NUDT1: variants seen among roughly 807,000 people sequenced by gnomAD.
The protein encoded by NUDT1 is oxidized purine nucleoside triphosphate hydrolase.
A neutral mutation model predicts 11.3 loss-of-function variants in NUDT1; 16 were observed. The observed-to-expected ratio is 1.41, with a 90% CI of 0.96 to 2.15. NUDT1 has a LOEUF of 2.15. NUDT1 is among the 30% of genes most tolerant of loss of function. The probability of loss-of-function intolerance (pLI) is 0.00; values close to 1 mark genes in which losing one functional copy is unlikely to be tolerated. For missense variants in NUDT1, 234 were observed against 208.4 expected (o/e 1.12, Z -0.76); for synonymous variants, 101 against 84.4 (o/e 1.20, Z -1.08).
Position 2,244,662 on chromosome 7 carries a change from G to C in NUDT1, c.88G>C (p.Gly30Arg), listed in dbSNP as rs199969160. The C allele has an allele frequency of 6.2e-7, 1 of 1,613,708 alleles. No homozygotes were observed. The highest frequency in any genetic ancestry group is 8.5e-7 in the Non-Finnish European group (1 of 1,179,922). ...CATGAAAAAGCGAGGCTTCGGGGCC[G>C]GCCGGTGGAATGGCTTTGGGGGCAA... ...LGMKKRGFGA[G>R]RWNGFGGKVQ... The change falls in exon 2 of 4, where the codon GGC becomes CGC. Residue 30 changes from glycine (G) to arginine (R), a missense_variant. Gly to Arg is a moderately radical substitution (Grantham distance 125). Transcript: ENST00000356714.
chr7:2,248,072 G>C (rs1447803779), intron 2 of NUDT1: 3 of 152,284 alleles, frequency 2.0e-5, no homozygotes, highest in Non-Finnish European at 1.5e-5. Context: ...AGACCATTTA[G>C]ACCAGGCATG....
intron 1 of NUDT1, chr7:2,242,457 A>T: frequency 4.2e-5 from 20 of 481,812 alleles, no homozygotes; most frequent in East Asian, 7.3e-5. Flanking sequence ...GAGAGAGACA[A>T]GGAGAGCGGG....
intron 2 of NUDT1, among the ~76,000 whole-genome samples, chr7:2,248,396 G>A (rs963964850): frequency 2.6e-5 from 4 of 152,144 alleles, no homozygotes; most frequent in African/African-American, 4.8e-5. Context: ...TGCCCAACAC[G>A]GGTTTCCACC....
At chr7:2,246,086 G>A (rs145265190) in intron 2 of NUDT1, among the ~76,000 whole-genome samples, 14 of 152,316 alleles carry the variant, frequency 9.2e-5, no homozygotes, top group Middle Eastern at 3.4e-3. Flanking sequence ...CCAGGAGTGT[G>A]TGCAGAGCGA....
chr7:2,244,536 G>T, intron 1 of NUDT1, 27 bp from the exon 2 acceptor site: 1 of 1,516,524 alleles, frequency 6.6e-7, no homozygotes, highest in South Asian at 1.3e-5. Flanking sequence ...CGTCATGGCT[G>T]ACTCTGCCCT....
intron 3 of NUDT1, among the ~76,000 whole-genome samples, chr7:2,250,391 G>T (rs1027455708): frequency 6.6e-6 from 1 of 152,158 alleles, no homozygotes; most frequent in African/African-American, 2.4e-5. Context: ...GTTGAGCCCA[G>T]GAGTTCAAGA....
At chr7:2,243,536 G>C (rs1025714058) in intron 1 of NUDT1, among the ~76,000 whole-genome samples, 1 of 152,208 alleles carries the variant, frequency 6.6e-6, no homozygotes, top group Non-Finnish European at 1.5e-5. Flanking sequence ...ACTTTGGGAG[G>C]CTGAGGTGGG....
intron 1 of NUDT1, chr7:2,242,638 G>C: frequency 5.8e-6 from 2 of 347,646 alleles, no homozygotes; most frequent in African/African-American, 2.1e-5. Context: ...CCCAGTCTCA[G>C]TGAAATGGGA....
chr7:2,245,969 G>A (rs750592004), intron 2 of NUDT1, among the ~76,000 whole-genome samples: 7 of 152,088 alleles, frequency 4.6e-5, no homozygotes, highest in African/African-American at 9.7e-5. Flanking sequence ...ACACGGACAC[G>A]TTCGATCAGT....
At chr7:2,243,362 T>G (rs1375328482) in intron 1 of NUDT1, among the ~76,000 whole-genome samples, 1 of 152,230 alleles carries the variant, frequency 6.6e-6, no homozygotes. Flanking sequence ...CGCCCTCCTC[T>G]ACCCAGCACT....
chr7:2,250,616 C>G (rs34602719), intron 3 of NUDT1, among the ~76,000 whole-genome samples: 4,482 of 147,566 alleles, frequency 0.03, 101 homozygotes, highest in Middle Eastern at 0.054. Context: ...CGCCACCACG[C>G]CCGGCTAATT....
intron 2 of NUDT1, among the ~76,000 whole-genome samples, chr7:2,247,388 T>C (rs34413455): frequency 0.015 from 2,323 of 152,254 alleles, 33 homozygotes; most frequent in South Asian, 0.038. Flanking sequence ...GACCCTCCTC[T>C]GTGGGGCAGG....
Position 2,249,876 on chromosome 7 carries a change from G to A in NUDT1, c.172G>A (p.Gly58Ser), listed in dbSNP as rs766116531. ...CCGCAGGGAGCTGCAGGAGGAGAGC[G>A]GTCTGACAGTGGACGCCCTGCACAA... The part of the protein sequence containing the change: ...GARRELQEES[G>S]LTVDALHKVG... The change falls in exon 3 of 4, where the codon GGT becomes AGT. Residue 58 changes from glycine (G) to serine (S), a missense_variant. Physicochemically the swap from Gly to Ser is moderately conservative, Grantham distance 56. Transcript: ENST00000356714. The A allele has an allele frequency of 3.6e-5, 58 of 1,613,796 alleles. No homozygotes were observed. Among genetic ancestry groups the A allele is most frequent in the Admixed American group, 2.7e-4 (16 of 60,008 alleles).
At chr7:2,250,704 C>T (rs1397963718) in intron 3 of NUDT1, 125 bp from the exon 4 acceptor site, 33 of 710,696 alleles carry the variant, frequency 4.6e-5, no homozygotes, top group East Asian at 2.5e-4. Flanking sequence ...GTGATCCTCC[C>T]GCCTCGGCCT....
At chr7:2,248,017 C>T (rs576313356) in intron 2 of NUDT1, 1 of 152,346 alleles carries the variant, frequency 6.6e-6, no homozygotes, top group East Asian at 1.9e-4. Flanking sequence ...GGTCCGTTTC[C>T]TCTCCAGTCC....
intron 2 of NUDT1, among the ~76,000 whole-genome samples, chr7:2,245,837 C>CT (rs368680651): frequency 0.18 from 26,656 of 146,186 alleles, 2,450 homozygotes; most frequent in Middle Eastern, 0.27. Flanking sequence ...TGGCTTGACC[C>CT]TTTTTTTTTT....
chr7:2,246,805 G>T (rs1278884425), intron 2 of NUDT1, among the ~76,000 whole-genome samples: 1 of 152,118 alleles, frequency 6.6e-6, no homozygotes, highest in Non-Finnish European at 1.5e-5. Context: ...ACCTGGAGAC[G>T]GGGGTTTCAC....
At chr7:2,244,815 A>C in intron 2 of NUDT1, 89 bp downstream of exon 2, 1 of 1,485,518 alleles carries the variant, frequency 6.7e-7, no homozygotes, top group Non-Finnish European at 9.1e-7. Flanking sequence ...TTTCACCACT[A>C]AGAGCTAAGT....
Position 2,242,266 on chromosome 7 carries a change from G to T in NUDT1, c.-13+10G>T. On this transcript the variant is annotated intron_variant, in intron 1 of 3. Coordinates refer to ENST00000356714, the MANE Select transcript of NUDT1 (RefSeq NM_002452.4). ...GGAAGCGGCGGTGCAGGTACGAAAA[G>T]CGCGCGCGGGGATTCCAGGAGTCGT... 4 of 1,254,504 alleles carry T rather than the reference G, an allele frequency of 3.2e-6. No individual in the cohort carries two copies. Among genetic ancestry groups the T allele is most frequent in the South Asian group, 1.5e-5 (1 of 68,936 alleles). The allele number at this position is 1,254,504 out of a possible 1,614,324, so 77.7% of individuals were successfully genotyped here.
Sources: gnomAD v4.1 joint callset for allele counts (sites outside exome capture counted in the v4.1 genomes callset) on GRCh38, gnomAD v4.1.1 for gene constraint, MANE v1.5 for transcripts, NCBI Gene and HGNC (gene_info 2026-07-23, HGNC 2026-07-21) for gene names.